The following ANKLE1 variants were observed in gnomAD, a reference collection of about 807,000 sequenced individuals.
ANKLE1 encodes the protein structure-specific endonuclease ANKLE1.
Under a neutral mutation model 56.2 loss-of-function variants are expected in ANKLE1, and 59 were observed. The ratio of observed to expected loss-of-function variants is 1.05; its 90% CI spans 0.85 to 1.30. ANKLE1 has a LOEUF of 1.30. Among genes scored for constraint, ANKLE1 ranks in the 50% most tolerant of loss-of-function variants. The pLI is 0.00. For synonymous variants in ANKLE1, 341 were observed against 352.9 expected, an observed-to-expected ratio of 0.97 and a Z score of 0.38; for missense variants, 771 against 816.1, an observed-to-expected ratio of 0.94 and a Z score of 0.67.
Position 17,283,858 on chromosome 19 carries a change from A to C in ANKLE1, c.1094A>C (p.Glu365Ala). The C allele has an allele frequency of 6.2e-7, 1 of 1,613,676 alleles. No individual in the cohort carries two copies. The highest frequency in any genetic ancestry group is 8.5e-7 in the Non-Finnish European group (1 of 1,179,884). The change falls in exon 5 of 9, where the codon GAG (glutamate) becomes GCG (alanine). Residue 365 changes from glutamate to alanine, a missense_variant. Glu to Ala is a moderately radical substitution (Grantham distance 107, BLOSUM62 -1). Transcript: ENST00000404085. ...HLPVSTVSDLELLKGLRALGE... is the reference protein window; with the variant it reads ...HLPVSTVSDLALLKGLRALGE... The stretch of plus-strand genomic sequence containing the variant: ...CCAGTCTCCACTGTGTCTGACTTGG[A>C]GTTGCTGAAGGGACTCCGAGCACTT...
In ANKLE1 at chr19:17,282,636, C is replaced by G; in HGVS notation, c.216-20C>G. ...CGGGAGGCTGAGTCCGCAATGACCC[C>G]TCTTGCGCTGCCGCCCCAGATCTGT... is the stretch of plus-strand genomic sequence containing the variant. On this transcript the variant is annotated intron_variant, in intron 2 of 8. Coordinates refer to ENST00000404085, the MANE Select transcript of ANKLE1 (RefSeq NM_152363.6). The G allele has an allele frequency of 3.9e-6, 6 of 1,532,592 alleles. No individual in the cohort carries two copies. The highest frequency in any genetic ancestry group is 5.2e-6 in the Non-Finnish European group (6 of 1,145,344). The allele number at this position is 1,532,592 out of a possible 1,614,324, so 94.9% of individuals were successfully genotyped here.
rs2074022318 is a variant in ANKLE1 at position 17,285,572 on chromosome 19, T to C, written c.1518T>C (p.His506=). ...YVHLWEALGH[H]GRSRKQPHQA... is the part of the protein sequence containing the mutation. ...ACCTCTGGGAGGCCCTTGGTCACCA[T>C]GGGCGGTCAAGAAAACAGGTGTGAG... Residue 506 remains histidine, a synonymous_variant, in exon 7 of 9, where the codon CAT becomes CAC. Coordinates refer to ENST00000404085, the MANE Select transcript of ANKLE1 (RefSeq NM_152363.6). 3 of 1,613,854 alleles carry C rather than the reference T, an allele frequency of 1.9e-6. No individual in the cohort carries two copies. In the Admixed American group the frequency reaches 5.0e-5, roughly 27 times the overall value.
Position 17,283,401 on chromosome 19 carries a change from T to C in ANKLE1, c.637T>C (p.Trp213Arg). The C allele has an allele frequency of 6.2e-7, 1 of 1,613,682 alleles. No individual in the cohort carries two copies. The highest frequency in any genetic ancestry group is 8.5e-7 in the Non-Finnish European group (1 of 1,179,866). The change falls in exon 5 of 9, where the codon TGG (tryptophan) becomes CGG (arginine). Residue 213 changes from tryptophan to arginine, a missense_variant. Transcript: ENST00000404085. The stretch of plus-strand genomic sequence containing the variant: ...GAGCTCGGCGTCCCCTCCAGGGCAC[T>C]GGGATTACAGCTCAGACGCCTCTTT... ...HGSSASPPGH[W>R]DYSSDASFVT... is the part of the protein sequence containing the mutation.
Position 17,286,537 on chromosome 19 carries a change from C to A in ANKLE1, c.1833C>A (p.Ile611=). The A allele has an allele frequency of 6.2e-7, 1 of 1,607,892 alleles. No individual in the cohort carries two copies. Among genetic ancestry groups the A allele is most frequent in the Non-Finnish European group, 8.5e-7 (1 of 1,177,696 alleles). ...AGCGACAGCTTCATCCCCAGGACAT[C>A]CAGGCCCGGGGCTGAGTGCTGGGGA... ...EGERQLHPQD[I]QARG Residue 611 remains isoleucine, a synonymous_variant, in exon 9 of 9, where the codon ATC becomes ATA. Coordinates refer to ENST00000404085, the MANE Select transcript of ANKLE1 (RefSeq NM_152363.6).
rs186933783 is a variant in ANKLE1, at chr19:17,282,813, G to T, written c.322-51G>T. 4.3e-5 allele frequency: 68 copies of T among 1,581,278 alleles called. No individual in the cohort carries two copies. The Admixed American group carries it at 9.7e-4, about 22-fold the overall frequency. On this transcript the variant is annotated intron_variant, in intron 3 of 8. Coordinates refer to ENST00000404085, the MANE Select transcript of ANKLE1 (RefSeq NM_152363.6). Reference sequence around the variant, plus strand: ...AAGGCTGGGTGAGCCCAGAGGGAGGGAAGGAAGGTAAGAGGGCCTCGGGCG... The same window carrying T: ...AAGGCTGGGTGAGCCCAGAGGGAGGTAAGGAAGGTAAGAGGGCCTCGGGCG...
chr19:17,285,382 G>A, intron 6 of ANKLE1, 49 bp from the exon 7 acceptor site: 1 of 1,608,432 alleles, frequency 6.2e-7, no homozygotes, highest in Non-Finnish European at 8.5e-7. Context: ...ACTGCCTCTG[G>A]GGACCACTGT....
chr19:17,282,688 C>G lies in ANKLE1; in HGVS notation c.248C>G (p.Ala83Gly), dbSNP rs528137120. The change falls in exon 3 of 9, where the codon GCC (alanine) becomes GGC (glycine). Residue 83 changes from alanine to glycine, a missense_variant. Transcript: ENST00000404085. ...SVEALTPLHVAAAWGCRRGLE... is the reference protein window; with the variant it reads ...SVEALTPLHVGAAWGCRRGLE... ...GAGGCACTGACGCCGCTGCATGTGG[C>G]CGCCGCGTGGGGCTGCCGCCGCGGC... 3 of 1,535,478 alleles carry G rather than the reference C, an allele frequency of 2.0e-6. No homozygotes were observed. The highest frequency in any genetic ancestry group is 2.6e-6 in the Non-Finnish European group (3 of 1,147,016).
chr19:17,282,260 G>T, intron 2 of ANKLE1, 51 bp downstream of exon 2: 1 of 1,441,076 alleles, frequency 6.9e-7, no homozygotes. Context: ...CGAAGTCTGG[G>T]AATCCGGGAA....
intron 6 of ANKLE1, among the ~76,000 whole-genome samples, chr19:17,284,962 T>C (rs1024876381): frequency 6.6e-6 from 1 of 151,910 alleles, no homozygotes; most frequent in Non-Finnish European, 1.5e-5. Flanking sequence ...GTGTTGGCAT[T>C]ACAGGCATGA....
Position 17,287,019 on chromosome 19 carries a change from T to C in ANKLE1, c.*467T>C, listed in dbSNP as rs1420605838. On this transcript the variant is annotated 3_prime_UTR_variant, in exon 9 of 9. Coordinates refer to ENST00000404085, the MANE Select transcript of ANKLE1 (RefSeq NM_152363.6). ...AGATAACGGGTCATAAAGAACCTGCTGATAAAACAGGTTGCAGTAAAGAAG... is the reference window on the plus strand; with the variant it reads ...AGATAACGGGTCATAAAGAACCTGCCGATAAAACAGGTTGCAGTAAAGAAG... The C allele has an allele frequency of 5.9e-6, 1 of 168,624 alleles. No homozygotes were observed. Among genetic ancestry groups the C allele is most frequent in the East Asian group, 1.9e-4 (1 of 5,262 alleles). The allele number at this position is 168,624 out of a possible 1,614,324, so 10.4% of individuals were successfully genotyped here. A position where few individuals can be genotyped will look rare whatever the true frequency, so the allele number is the denominator to read the frequency against.
chr19:17,284,338 C>A, intron 6 of ANKLE1, 72 bp downstream of exon 6: 1 of 1,489,404 alleles, frequency 6.7e-7, no homozygotes, highest in Non-Finnish European at 9.2e-7. Context: ...TGCTGTGTGC[C>A]CTTAAGAAAG....
rs58535756 is a variant in ANKLE1, at chr19:17,286,647, GGTGTGTGTGTGTGT to G, written c.*126_*139del. The G allele has an allele frequency of 1.5e-4, 211 of 1,429,090 alleles. No individual in the cohort carries two copies. The highest frequency in any genetic ancestry group is 1.0e-3 in the East Asian group (34 of 32,586). The allele number at this position is 1,429,090 out of a possible 1,614,324, so 88.5% of individuals were successfully genotyped here. Reference sequence around the variant, plus strand: ...AGCCCCCATCTCTGGTTTCAGAAGGGGTGTGTGTGTGTGTGTGTGTGTGTGTGTGTGTGTGTGTG... The same window carrying G: ...AGCCCCCATCTCTGGTTTCAGAAGGGGTGTGTGTGTGTGTGTGTGTGTGTG... On this transcript the variant is annotated 3_prime_UTR_variant, in exon 9 of 9. Coordinates refer to ENST00000404085, the MANE Select transcript of ANKLE1 (RefSeq NM_152363.6).
In ANKLE1 at chr19:17,281,996, C is replaced by T; in HGVS notation, c.62+14C>T. The T allele has an allele frequency of 2.0e-6, 3 of 1,534,126 alleles. No individual in the cohort carries two copies. The highest frequency in any genetic ancestry group is 1.4e-5 in the African/African-American group (1 of 72,982). ...GGAGGAGCCGTGGTGAGGGCGGGGC[C>T]GGGGGCGGGCCAGGAGTGGGGGTCT... On this transcript the variant is annotated intron_variant, in intron 1 of 8. Transcript: ENST00000404085.
chr19:17,286,277 C>A, intron 8 of ANKLE1, 103 bp from the exon 9 acceptor site: 2 of 1,429,664 alleles, frequency 1.4e-6, no homozygotes, highest in Admixed American at 2.5e-5. Flanking sequence ...GTTGGGATTA[C>A]AGGCGTGAGC....
In ANKLE1 at chr19:17,282,694, C is replaced by A; in HGVS notation, c.254C>A (p.Ala85Glu). ...CTGACGCCGCTGCATGTGGCCGCCG[C>A]GTGGGGCTGCCGCCGCGGCCTGGAG... is the stretch of plus-strand genomic sequence containing the variant. ...EALTPLHVAA[A>E]WGCRRGLELL... Residue 85 changes from alanine (A) to glutamate (E), a missense_variant, in exon 3 of 9, where the codon GCG becomes GAG. Coordinates refer to ENST00000404085, the MANE Select transcript of ANKLE1 (RefSeq NM_152363.6). 6.5e-7 allele frequency: 1 copy of A among 1,535,554 alleles called. No homozygotes were observed. The highest frequency in any genetic ancestry group is 2.4e-5 in the East Asian group (1 of 40,964).
In ANKLE1 at chr19:17,282,697, G is replaced by T. The variant is rs1240657374; in HGVS notation, c.257G>T (p.Trp86Leu). ...ALTPLHVAAA[W>L]GCRRGLELLL... ...ACGCCGCTGCATGTGGCCGCCGCGT[G>T]GGGCTGCCGCCGCGGCCTGGAGCTG... The change falls in exon 3 of 9, where the codon TGG (tryptophan) becomes TTG (leucine). Residue 86 changes from tryptophan to leucine, a missense_variant. Trp to Leu is a moderately conservative substitution (Grantham distance 61, BLOSUM62 -2). Coordinates refer to ENST00000404085, the MANE Select transcript of ANKLE1 (RefSeq NM_152363.6). 2 of 1,536,246 alleles carry T rather than the reference G, an allele frequency of 1.3e-6. No homozygotes were observed. The highest frequency in any genetic ancestry group is 1.7e-6 in the Non-Finnish European group (2 of 1,147,230).
Position 17,282,854 on chromosome 19 carries a change from GC to G in ANKLE1, c.322-6del. 6.3e-7 allele frequency: 1 copy of G among 1,586,690 alleles called. No homozygotes were observed. ...GCCTCGGGCGCCCCCTGCTGACCGC[GC>G]CCCTGTAGGACGGACTCCGGCCGCT... On this transcript the variant is annotated splice_polypyrimidine_tract_variant and intron_variant, in intron 3 of 8. Coordinates refer to ENST00000404085, the MANE Select transcript of ANKLE1 (RefSeq NM_152363.6).
chr19:17,283,652 T>G lies in ANKLE1; in HGVS notation c.888T>G (p.Pro296=). 6.2e-7 allele frequency: 1 copy of G among 1,612,976 alleles called. No individual in the cohort carries two copies. Among genetic ancestry groups the G allele is most frequent in the Non-Finnish European group, 8.5e-7 (1 of 1,179,688 alleles). ...TCCAGTCCTCCCCTTCCTCCATGCC[T>G]CTCCTGGACAGGAGTCCAGCTCATA... ...AGFQSSPSSM[P]LLDRSPAHSP... Residue 296 remains proline, a synonymous_variant, in exon 5 of 9, where the codon CCT becomes CCG. Coordinates refer to ENST00000404085, the MANE Select transcript of ANKLE1 (RefSeq NM_152363.6).
chr19:17,285,672 C>G lies in ANKLE1; in HGVS notation c.1537-9C>G. On this transcript the variant is annotated splice_polypyrimidine_tract_variant and intron_variant, in intron 7 of 8. Transcript: ENST00000404085. ...GTATTGGGGGTGCTGACTCCTGATT[C>G]TGCCCTAGCCCCACCAGGCCTGCCC... The G allele has an allele frequency of 6.2e-7, 1 of 1,613,940 alleles. No individual in the cohort carries two copies. The highest frequency in any genetic ancestry group is 8.5e-7 in the Non-Finnish European group (1 of 1,179,872).
Sources: gnomAD v4.1 joint callset for allele counts (sites outside exome capture counted in the v4.1 genomes callset) on GRCh38, gnomAD v4.1.1 for gene constraint, MANE v1.5 for transcripts, NCBI Gene and HGNC (gene_info 2026-07-23, HGNC 2026-07-21) for gene names.